MNAT1: variants seen among roughly 807,000 people sequenced by gnomAD.
MNAT1 encodes CDK-activating kinase assembly factor MAT1.
Under a neutral mutation model 42.0 loss-of-function variants are expected in MNAT1, and 43 were observed. The ratio of observed to expected loss-of-function variants is 1.02; its 90% CI spans 0.80 to 1.32. The LOEUF (loss-of-function observed/expected upper bound fraction) is 1.32, where lower values mean the gene tolerates loss of function less well. Ranked by LOEUF, MNAT1 falls within the 40% of genes most tolerant of loss-of-function variation. MNAT1 has a pLI of 0.00. For synonymous variants in MNAT1, 118 were observed against 120.0 expected (o/e 0.98, Z 0.11); for missense variants, 306 against 350.4 (o/e 0.87, Z 1.01).
chr14:60,898,612 C>CT (rs1009322185), intron 7 of MNAT1, among the ~76,000 whole-genome samples: 4 of 151,688 alleles, frequency 2.6e-5, no homozygotes, highest in Middle Eastern at 3.2e-3. Context: ...ATGAGATTAC[C>CT]TTTTTTTATT....
intron 6 of MNAT1, among the ~76,000 whole-genome samples, chr14:60,840,252 A>T (rs571043126): frequency 6.6e-6 from 1 of 152,346 alleles, no homozygotes; most frequent in South Asian, 2.1e-4. Flanking sequence ...TTAGGGAAAA[A>T]TGCCTGTGTG....
chr14:60,751,506 G>A (rs1239915840), intron 1 of MNAT1, among the ~76,000 whole-genome samples: 2 of 151,758 alleles, frequency 1.3e-5, no homozygotes, highest in Non-Finnish European at 2.9e-5. Flanking sequence ...CATAGTATTT[G>A]GTTTTTGAGG....
intron 7 of MNAT1, among the ~76,000 whole-genome samples, chr14:60,906,183 G>C (rs974610508): frequency 6.6e-6 from 1 of 152,134 alleles, no homozygotes; most frequent in Admixed American, 6.5e-5. Context: ...AGAATGTCTG[G>C]AGCAGGAGTA....
intron 4 of MNAT1, among the ~76,000 whole-genome samples, chr14:60,810,284 A>G (rs987227933): frequency 6.6e-6 from 1 of 151,680 alleles, no homozygotes; most frequent in African/African-American, 2.4e-5. Context: ...TTTTGAAAAA[A>G]CTTAATTTTG....
At position 60,808,390 on chromosome 14, in the gene MNAT1, G is replaced by A. The variant is rs1193207141; in HGVS notation, c.382G>A (p.Glu128Lys). ...AAAGAAAATGGAGATATACCAAAAG[G>A]AAAACAAAGATGTTATTCAGAAAAA... is the stretch of plus-strand genomic sequence containing the variant. ...TKKKMEIYQK[E>K]NKDVIQKNKL... The change falls in exon 4 of 8, where the codon GAA becomes AAA. Residue 128 changes from glutamate to lysine, a missense_variant. Around this residue, in one of 3 missense-constraint regions of MNAT1, gnomAD observed 118 missense variants for 99.8 expected, o/e 1.18. Coordinates refer to ENST00000261245, the MANE Select transcript of MNAT1 (RefSeq NM_002431.4). 6.3e-7 allele frequency: 1 copy of A among 1,577,410 alleles called. No homozygotes were observed. Among genetic ancestry groups the A allele is most frequent in the South Asian group, 1.2e-5 (1 of 84,040 alleles).
chr14:60,929,148 CAAAAAAA>C lies in MNAT1; in HGVS notation c.810-39064_810-39058del, dbSNP rs550828218. On this transcript the variant is annotated intron_variant, in intron 7 of 7. Coordinates refer to ENST00000261245, the MANE Select transcript of MNAT1 (RefSeq NM_002431.4). ...GGTGACAGAGTGAGACTCCATCTCC[CAAAAAAA>C]AAAAAAAAAAAAAAAATATATATAT... 7.6e-3 allele frequency among the ~76,000 whole-genome samples: 426 copies of C among 56,052 alleles called. 11 individuals carry two copies. Among genetic ancestry groups the C allele is most frequent in the East Asian group, 0.021 (45 of 2,104 alleles). The allele number at this position is 56,052 out of a possible 152,430, so 36.8% of individuals were successfully genotyped here.
intron 1 of MNAT1, among the ~76,000 whole-genome samples, chr14:60,774,097 T>G (rs1198359740): frequency 6.6e-6 from 1 of 152,212 alleles, no homozygotes; most frequent in Non-Finnish European, 1.5e-5. Context: ...GAGGAGATAT[T>G]GTCTGATGGA....
chr14:60,942,103 C>A (rs1473453585), intron 7 of MNAT1, among the ~76,000 whole-genome samples: 1 of 151,186 alleles, frequency 6.6e-6, no homozygotes, highest in African/African-American at 2.4e-5. Flanking sequence ...TTCCACACTC[C>A]ACTAAAAAAA....
At chr14:60,880,218 A>G (rs1235858874) in intron 7 of MNAT1, among the ~76,000 whole-genome samples, 1 of 152,176 alleles carries the variant, frequency 6.6e-6, no homozygotes, top group Non-Finnish European at 1.5e-5. Context: ...CTCATTGTGC[A>G]CTGTCTACAG....
chr14:60,877,269 T>G (rs191561971), intron 6 of MNAT1, among the ~76,000 whole-genome samples: 2 of 152,168 alleles, frequency 1.3e-5, no homozygotes, highest in Admixed American at 1.3e-4. Context: ...GTTCAAATCC[T>G]TCGCCTGTTT....
intron 7 of MNAT1, among the ~76,000 whole-genome samples, chr14:60,961,567 A>G (rs1263511308): frequency 6.6e-6 from 1 of 152,038 alleles, no homozygotes; most frequent in Non-Finnish European, 1.5e-5. Flanking sequence ...GATCTTATTC[A>G]TGTTGGCTTC....
chr14:60,959,920 G>GTTTTTTT (rs11359127), intron 7 of MNAT1, among the ~76,000 whole-genome samples: 11 of 93,178 alleles, frequency 1.2e-4, no homozygotes, highest in Middle Eastern at 0.011. Flanking sequence ...TGGTTTTTAT[G>GTTTTTTT]TTTTTTTTTT....
intron 5 of MNAT1, among the ~76,000 whole-genome samples, chr14:60,817,866 ATCTC>A (rs1325231148): frequency 1.3e-5 from 2 of 151,362 alleles, no homozygotes; most frequent in Admixed American, 6.6e-5. Flanking sequence ...AAAATTCTCA[ATCTC>A]TCTCTCTGCT....
At chr14:60,930,400 A>C (rs2035861893) in intron 7 of MNAT1, among the ~76,000 whole-genome samples, 1 of 151,992 alleles carries the variant, frequency 6.6e-6, no homozygotes, top group African/African-American at 2.4e-5. Flanking sequence ...GACTTCTTAA[A>C]CTGAAGAGAA....
intron 5 of MNAT1, among the ~76,000 whole-genome samples, chr14:60,815,300 C>CTT (rs906050832): frequency 1.3e-5 from 2 of 151,906 alleles, no homozygotes; most frequent in Non-Finnish European, 2.9e-5. Context: ...ACTGCAACCT[C>CTT]TGCCTCCCTG....
rs778727694 is a variant in MNAT1 at position 60,818,671 on chromosome 14, T to G, written c.562-51T>G. ...TAATTTAAAATAAAAGTCTTGTTGTTTTTAGTTTTCCCTTTTTACATTTCT... is the reference window on the plus strand; with the variant it reads ...TAATTTAAAATAAAAGTCTTGTTGTGTTTAGTTTTCCCTTTTTACATTTCT... On this transcript the variant is annotated intron_variant, in intron 5 of 7. Transcript: ENST00000261245. 4 of 1,471,644 alleles carry G rather than the reference T, an allele frequency of 2.7e-6. No homozygotes were observed. The African/African-American group carries it at 4.2e-5, about 16-fold the overall frequency. 91.2% of individuals were successfully genotyped at this position (1,471,644 alleles called of 1,614,324 possible). A position where few individuals can be genotyped will look rare whatever the true frequency, so the allele number is the denominator to read the frequency against.
intron 7 of MNAT1, among the ~76,000 whole-genome samples, chr14:60,942,098 C>T (rs1161401158): frequency 6.7e-6 from 1 of 149,674 alleles, no homozygotes; most frequent in Non-Finnish European, 1.5e-5. Flanking sequence ...TTCTTTTCCA[C>T]ACTCCACTAA....
At chr14:60,876,840 C>T (rs1321935375) in intron 6 of MNAT1, among the ~76,000 whole-genome samples, 1 of 151,986 alleles carries the variant, frequency 6.6e-6, no homozygotes, top group African/African-American at 2.4e-5. Context: ...CCTTGATGGA[C>T]ACTGCGTTGC....
At chr14:60,737,115 AAC>A (rs897164247) in intron 1 of MNAT1, among the ~76,000 whole-genome samples, 2 of 152,166 alleles carry the variant, frequency 1.3e-5, no homozygotes, top group African/African-American at 4.8e-5. Flanking sequence ...AATCTAGGCT[AAC>A]ACACTGCTGT....
Sources: allele counts gnomAD v4.1 joint callset (sites outside exome capture counted in the v4.1 genomes callset), GRCh38; gene constraint gnomAD v4.1.1; regional missense constraint gnomAD v4.1.1; transcripts MANE v1.5; gene names NCBI Gene and HGNC (gene_info 2026-07-23, HGNC 2026-07-21).